The following HEPHL1 variants were observed in gnomAD, a reference collection of about 807,000 sequenced individuals.
The protein encoded by HEPHL1 is ferroxidase HEPHL1.
In HEPHL1, 123 loss-of-function variants were observed where a neutral mutation model predicts 122.0. The ratio of observed to expected loss-of-function variants is 1.01; its 90% CI spans 0.87 to 1.17. The LOEUF (loss-of-function observed/expected upper bound fraction) is 1.17, where lower values mean the gene tolerates loss of function less well. Among genes scored for constraint, HEPHL1 ranks in the 50% most tolerant of loss-of-function variants. HEPHL1 has a pLI of 0.00. For synonymous variants in HEPHL1, 527 were observed against 508.9 expected (o/e 1.04, Z -0.48); for missense variants, 1,452 against 1,430.5 (o/e 1.01, Z -0.24).
intron 10 of HEPHL1, among the ~76,000 whole-genome samples, chr11:94,085,273 A>G (rs913583975): frequency 6.6e-6 from 1 of 152,204 alleles, no homozygotes; most frequent in African/African-American, 2.4e-5. Flanking sequence ...AGATAAAAAC[A>G]ATTTGCCACT....
intron 1 of HEPHL1, among the ~76,000 whole-genome samples, chr11:94,043,451 T>A (rs1945805302): frequency 6.6e-6 from 1 of 152,114 alleles, no homozygotes; most frequent in South Asian, 2.1e-4. Context: ...GGATGAATGA[T>A]ATCAATTGGC....
chr11:94,105,547 AT>A (rs1946401285), intron 16 of HEPHL1, among the ~76,000 whole-genome samples: 1 of 152,154 alleles, frequency 6.6e-6, no homozygotes. Context: ...GCTCTCTTTT[AT>A]TTTTGGAGAT....
chr11:94,072,506 AT>A (rs1227955953), intron 6 of HEPHL1, among the ~76,000 whole-genome samples: 2 of 152,282 alleles, frequency 1.3e-5, no homozygotes, highest in Admixed American at 6.5e-5. Flanking sequence ...CAGAATTTAT[AT>A]TATCATATTC....
At position 94,093,694 on chromosome 11, in the gene HEPHL1, C is replaced by T. The variant is rs1211740534; in HGVS notation, c.2434+54C>T. On this transcript the variant is annotated intron_variant, in intron 13 of 19. Coordinates refer to ENST00000315765, the MANE Select transcript of HEPHL1 (RefSeq NM_001098672.2). ...TCAGCCCCAAGCATGTGCATGCACA[C>T]ATACTCATGTGTTCTGTTACACTTG... 1.2e-5 allele frequency: 19 copies of T among 1,569,004 alleles called. 1 individual carries two copies. In the East Asian group the frequency reaches 3.2e-4, roughly 26 times the overall value.
rs376592564 is a variant in HEPHL1 at position 94,111,530 on chromosome 11, T to C, written c.3209-7T>C. On this transcript the variant is annotated splice_region_variant and splice_polypyrimidine_tract_variant and intron_variant, in intron 18 of 19. Coordinates refer to ENST00000315765, the MANE Select transcript of HEPHL1 (RefSeq NM_001098672.2). ...AATAAAACAATGAACTTGTTTTCTTTGTGCAGACAACAGGATTCCTTACTC... is the reference window on the plus strand; with the variant it reads ...AATAAAACAATGAACTTGTTTTCTTCGTGCAGACAACAGGATTCCTTACTC... 5.7e-6 allele frequency: 9 copies of C among 1,591,866 alleles called. No individual in the cohort carries two copies. Among genetic ancestry groups the C allele is most frequent in the East Asian group, 4.5e-5 (2 of 44,160 alleles).
intron 2 of HEPHL1, among the ~76,000 whole-genome samples, chr11:94,059,206 G>A (rs1945963954): frequency 6.6e-6 from 1 of 152,006 alleles, no homozygotes; most frequent in Admixed American, 6.6e-5. Flanking sequence ...CTTTGTCTTG[G>A]AGATTTTCTC....
At chr11:94,111,635 G>C in intron 19 of HEPHL1, 30 bp downstream of exon 19, 1 of 1,608,214 alleles carries the variant, frequency 6.2e-7, no homozygotes, top group Non-Finnish European at 8.5e-7. Context: ...ATGTAAATGA[G>C]TCAACATTTC....
rs1040274225 is a variant in HEPHL1, at chr11:94,104,836, C to G, written c.2905+86C>G. 3.9e-6 allele frequency: 4 copies of G among 1,029,650 alleles called. No homozygotes were observed. In the Admixed American group the frequency reaches 6.6e-5, roughly 17 times the overall value. 63.8% of individuals were successfully genotyped at this position (1,029,650 alleles called of 1,614,324 possible). ...TGTAGGAGGCTCCCAGCATCCTTCT[C>G]TGAGCCTTTCCTCCTTCCCAGGGGC... On this transcript the variant is annotated intron_variant, in intron 16 of 19. Coordinates refer to ENST00000315765, the MANE Select transcript of HEPHL1 (RefSeq NM_001098672.2).
chr11:94,043,725 A>C (rs1945808264), intron 1 of HEPHL1, among the ~76,000 whole-genome samples: 2 of 151,554 alleles, frequency 1.3e-5, no homozygotes, highest in Admixed American at 1.3e-4. Flanking sequence ...TTCTTGAGTA[A>C]CTCTTCATTG....
chr11:94,084,010 A>G (rs1946195652), intron 10 of HEPHL1, among the ~76,000 whole-genome samples: 1 of 152,184 alleles, frequency 6.6e-6, no homozygotes. Flanking sequence ...TGGCAATGTG[A>G]AACTACTTTC....
At chr11:94,082,056 G>C (rs1232783465) in intron 9 of HEPHL1, among the ~76,000 whole-genome samples, 1 of 152,210 alleles carries the variant, frequency 6.6e-6, no homozygotes, top group African/African-American at 2.4e-5. Context: ...GAGCAAGCTA[G>C]GAGGTGAGTA....
chr11:94,096,439 T>A (rs1000752143), intron 13 of HEPHL1, among the ~76,000 whole-genome samples: 7 of 152,238 alleles, frequency 4.6e-5, no homozygotes, highest in Admixed American at 2.6e-4. Context: ...TTATTGAGGA[T>A]TTTTGCATCA....
In HEPHL1 at chr11:94,085,971, A is replaced by G; in HGVS notation, c.1868-6A>G. ...AATTTTTCACCGTCTTTCTTCTTCC[A>G]TTTAGCTGTTAACGGCTACATGTAT... On this transcript the variant is annotated splice_region_variant and splice_polypyrimidine_tract_variant and intron_variant, in intron 10 of 19. Transcript: ENST00000315765. The G allele has an allele frequency of 6.2e-7, 1 of 1,610,606 alleles. No homozygotes were observed. Among genetic ancestry groups the G allele is most frequent in the Non-Finnish European group, 8.5e-7 (1 of 1,176,992 alleles).
chr11:94,108,577 T>A (rs1946425562), intron 17 of HEPHL1, among the ~76,000 whole-genome samples: 1 of 152,078 alleles, frequency 6.6e-6, no homozygotes, highest in Non-Finnish European at 1.5e-5. Context: ...TCATATGTGG[T>A]TCAAGATATG....
Position 94,073,328 on chromosome 11 carries a change from G to A in HEPHL1, c.1393G>A (p.Val465Met), listed in dbSNP as rs995699162. Residue 465 changes from valine to methionine, a missense_variant, in exon 8 of 20, where the codon GTG (valine) becomes ATG (methionine). By Grantham distance (21) the Val-to-Met change is conservative. Coordinates refer to ENST00000315765, the MANE Select transcript of HEPHL1 (RefSeq NM_001098672.2). ...GILGPVIKAE[V>M]GDTLLVTFAN... ...TTCAGGCCCAGTCATCAAGGCAGAG[G>A]TGGGTGATACCCTGTTAGTGACCTT... 1 of 1,609,196 alleles carries A rather than the reference G, an allele frequency of 6.2e-7. No homozygotes were observed. Among genetic ancestry groups the A allele is most frequent in the Non-Finnish European group, 8.5e-7 (1 of 1,177,682 alleles).
At chr11:94,044,078 G>A (rs550191206) in intron 1 of HEPHL1, among the ~76,000 whole-genome samples, 14 of 151,864 alleles carry the variant, frequency 9.2e-5, no homozygotes, top group South Asian at 6.2e-4. Flanking sequence ...TCAAGCAGAA[G>A]CCAGTATTTA....
intron 2 of HEPHL1, among the ~76,000 whole-genome samples, chr11:94,046,539 G>C (rs1001902610): frequency 5.8e-4 from 86 of 147,564 alleles, no homozygotes; most frequent in African/African-American, 2.1e-3. Context: ...AGTTGTGCCT[G>C]ATTTGCACAC....
At position 94,067,565 on chromosome 11, in the gene HEPHL1, A is replaced by C; in HGVS notation, c.878A>C (p.His293Pro). ...TGTGTTGGAGAATCTGTGTCCTGGC[A>C]CCTATTTGGAATGGGGAATGAAATA... is the stretch of plus-strand genomic sequence containing the variant. ...DMCVGESVSW[H>P]LFGMGNEIDI... is the part of the protein sequence containing the mutation. The change falls in exon 5 of 20, where the codon CAC (histidine) becomes CCC (proline). Residue 293 changes from histidine (H) to proline (P), a missense_variant. His to Pro is a moderately conservative substitution (Grantham distance 77). Transcript: ENST00000315765. 1 of 1,613,628 alleles carries C rather than the reference A, an allele frequency of 6.2e-7. No homozygotes were observed. Among genetic ancestry groups the C allele is most frequent in the Non-Finnish European group, 8.5e-7 (1 of 1,179,630 alleles).
chr11:94,070,606 G>A (rs771136487), intron 6 of HEPHL1, 64 bp downstream of exon 6: 13 of 1,322,376 alleles, frequency 9.8e-6, no homozygotes, highest in South Asian at 1.3e-5. Context: ...GGCTTTCTCT[G>A]TGATCTAATT....
Sources: gnomAD v4.1 joint callset for allele counts (sites outside exome capture counted in the v4.1 genomes callset) on GRCh38, gnomAD v4.1.1 for gene constraint, MANE v1.5 for transcripts, NCBI Gene and HGNC (gene_info 2026-07-23, HGNC 2026-07-21) for gene names.